Variants in EFCAB11 observed in about 807,000 individuals in gnomAD.
EFCAB11 encodes the protein EF-hand calcium binding domain 11.
EFCAB11 carries 14 observed loss-of-function variants against 23.0 expected under a neutral mutation model. The observed-to-expected ratio is 0.61, with a 90% CI of 0.40 to 0.95. The LOEUF (loss-of-function observed/expected upper bound fraction) is 0.95. Ranked by LOEUF, EFCAB11 falls within the 40% of genes least tolerant of loss-of-function variation. The pLI is 0.00. For synonymous variants in EFCAB11, 65 were observed against 66.6 expected, an observed-to-expected ratio of 0.98 and a Z score of 0.11; for missense variants, 198 against 195.8, an observed-to-expected ratio of 1.01 and a Z score of -0.07.
At chr14:89,910,012 T>A (rs577466669) in intron 5 of EFCAB11, among the ~76,000 whole-genome samples, 1 of 152,306 alleles carries the variant, frequency 6.6e-6, no homozygotes, top group South Asian at 2.1e-4. Flanking sequence ...TCTTTCAGGA[T>A]TAACCATCTT....
chr14:89,833,425 T>C (rs1379089008), intron 5 of EFCAB11, among the ~76,000 whole-genome samples: 1 of 152,210 alleles, frequency 6.6e-6, no homozygotes, highest in African/African-American at 2.4e-5. Context: ...TAATATCCAC[T>C]CTAAGATTTC....
intron 3 of EFCAB11, among the ~76,000 whole-genome samples, chr14:89,941,429 C>G (rs1213290477): frequency 6.6e-6 from 1 of 152,068 alleles, no homozygotes; most frequent in East Asian, 1.9e-4. Flanking sequence ...TATTAAAAAT[C>G]AAAGGAAGGG....
At chr14:89,824,471 T>C (rs565650898) in intron 5 of EFCAB11, among the ~76,000 whole-genome samples, 2 of 151,974 alleles carry the variant, frequency 1.3e-5, no homozygotes, top group South Asian at 2.1e-4. Flanking sequence ...AAAAGGGGGA[T>C]AGAGGAAAAC....
Position 89,814,475 on chromosome 14 carries a change from C to T in EFCAB11, c.411-17151G>A, listed in dbSNP as rs182688048. ...ATCCCAGCACTTTGGGAGGGCGAGG[C>T]GGGCAGATCACCTGAGGTTGGGAGT... On this transcript the variant is annotated intron_variant, in intron 5 of 5. Transcript: ENST00000316738. Among the ~76,000 whole-genome samples, 327 of 152,240 alleles carry T rather than the reference C, an allele frequency of 2.1e-3. 3 individuals carry two copies. Among genetic ancestry groups the T allele is most frequent in the African/African-American group, 7.6e-3 (314 of 41,554 alleles).
At chr14:89,845,651 G>A (rs985370473) in intron 5 of EFCAB11, among the ~76,000 whole-genome samples, 2 of 152,176 alleles carry the variant, frequency 1.3e-5, no homozygotes, top group Admixed American at 1.3e-4. Context: ...CTTCTGCGGG[G>A]CTTTGGGAAG....
intron 5 of EFCAB11, among the ~76,000 whole-genome samples, chr14:89,823,802 C>T (rs1414605846): frequency 6.6e-6 from 1 of 152,110 alleles, no homozygotes; most frequent in African/African-American, 2.4e-5. Flanking sequence ...GTTAATAATT[C>T]ATGGACTGGG....
intron 5 of EFCAB11, among the ~76,000 whole-genome samples, chr14:89,835,585 C>CATGTGTGTGTGTGT (rs1166785662): frequency 1.1e-5 from 1 of 93,344 alleles, no homozygotes; most frequent in African/African-American, 4.6e-5. Flanking sequence ...GGATGCTCAA[C>CATGTGTGTGTGTGT]GTGTGTGTGT....
intron 5 of EFCAB11, among the ~76,000 whole-genome samples, chr14:89,904,146 G>A (rs766119053): frequency 6.6e-6 from 1 of 151,624 alleles, no homozygotes; most frequent in Non-Finnish European, 1.5e-5. Context: ...CCCCCTGACC[G>A]GCCCTGGTGT....
At chr14:89,843,839 C>A (rs536681614) in intron 5 of EFCAB11, among the ~76,000 whole-genome samples, 3 of 152,182 alleles carry the variant, frequency 2.0e-5, no homozygotes, top group Non-Finnish European at 4.4e-5. Flanking sequence ...TATTTAATAT[C>A]ACCACTGAAC....
chr14:89,871,399 T>A (rs1888263282), intron 5 of EFCAB11, among the ~76,000 whole-genome samples: 1 of 152,146 alleles, frequency 6.6e-6, no homozygotes, highest in African/African-American at 2.4e-5. Context: ...CCAGGATGAA[T>A]CTCTGTACAG....
At chr14:89,814,565 G>C (rs1596378785) in intron 5 of EFCAB11, among the ~76,000 whole-genome samples, 2 of 152,108 alleles carry the variant, frequency 1.3e-5, no homozygotes, top group Non-Finnish European at 2.9e-5. Flanking sequence ...TTAGCCTGGC[G>C]TGGTGGTGCA....
intron 5 of EFCAB11, among the ~76,000 whole-genome samples, chr14:89,845,744 CTG>C (rs1887411383): frequency 1.3e-5 from 2 of 152,150 alleles, no homozygotes; most frequent in Non-Finnish European, 2.9e-5. Flanking sequence ...CCAAAGGACA[CTG>C]TGATTCTGTG....
intron 5 of EFCAB11, among the ~76,000 whole-genome samples, chr14:89,921,500 T>C (rs925556921): frequency 1.4e-4 from 21 of 152,202 alleles, no homozygotes; most frequent in Non-Finnish European, 4.4e-5. Context: ...ATGAATCACC[T>C]AGGAATATTA....
At chr14:89,938,971 CAA>C (rs11289812) in intron 3 of EFCAB11, among the ~76,000 whole-genome samples, 2,887 of 80,292 alleles carry the variant, frequency 0.036, 99 homozygotes, top group African/African-American at 0.092. Context: ...AACAACAAAG[CAA>C]AAAAAAAAAA....
chr14:89,831,320 A>G (rs11159933), intron 5 of EFCAB11: 61,543 of 152,070 alleles, frequency 0.4, 13,726 homozygotes, highest in East Asian at 0.72. Context: ...GGTTTTGAAC[A>G]TGGAGATGTC....
chr14:89,852,668 C>G (rs745622834), intron 5 of EFCAB11, among the ~76,000 whole-genome samples: 25 of 152,188 alleles, frequency 1.6e-4, no homozygotes, highest in Non-Finnish European at 3.5e-4. Context: ...TCGATGTGGA[C>G]TCTTTCTAGA....
chr14:89,940,267 T>G (rs528929896), intron 3 of EFCAB11, among the ~76,000 whole-genome samples: 2 of 152,318 alleles, frequency 1.3e-5, no homozygotes, highest in East Asian at 3.9e-4. Flanking sequence ...AAGAAGCCAA[T>G]TGAAATCTGA....
intron 5 of EFCAB11, among the ~76,000 whole-genome samples, chr14:89,819,646 A>G (rs913197486): frequency 5.3e-5 from 8 of 152,112 alleles, no homozygotes; most frequent in Non-Finnish European, 1.2e-4. Context: ...TGTGTTGCCC[A>G]GGCTGGTCTT....
At chr14:89,816,336 G>A (rs1886337586) in intron 5 of EFCAB11, among the ~76,000 whole-genome samples, 1 of 152,066 alleles carries the variant, frequency 6.6e-6, no homozygotes, top group African/African-American at 2.4e-5. Flanking sequence ...AGGATAATTT[G>A]ACTTTTTCCT....
Sources: gnomAD v4.1 joint callset for allele counts (sites outside exome capture counted in the v4.1 genomes callset) on GRCh38, gnomAD v4.1.1 for gene constraint, MANE v1.5 for transcripts, NCBI Gene and HGNC (gene_info 2026-07-23, HGNC 2026-07-21) for gene names.